The following PARD3B variants were observed in gnomAD, a reference collection of about 807,000 sequenced individuals.
PARD3B encodes the protein partitioning defective 3 homolog B.
A neutral mutation model predicts 130.2 loss-of-function variants in PARD3B; 103 were observed. The observed-to-expected ratio is 0.79, with a 90% CI of 0.67 to 0.93. The LOEUF is 0.93. PARD3B is among the 40% of genes least tolerant of loss of function. The probability of loss-of-function intolerance (pLI) is 0.00; values close to 1 mark genes in which losing one functional copy is unlikely to be tolerated. For synonymous variants in PARD3B, 583 were observed against 553.2 expected (o/e 1.05, Z -0.76); for missense variants, 1,609 against 1,499.2 (o/e 1.07, Z -1.21).
chr2:204,550,921 A>G lies in PARD3B; in HGVS notation c.120+4802A>G, dbSNP rs111852740. Among the ~76,000 whole-genome samples, 1,492 of 152,318 alleles carry G rather than the reference A, an allele frequency of 9.8e-3. 19 individuals carry two copies. The highest frequency in any genetic ancestry group is 0.035 in the African/African-American group (1,446 of 41,568). On this transcript the variant is annotated intron_variant, in intron 1 of 22. Transcript: ENST00000406610. ...TGCCTTGTTACCTAAATAGATTTTA[A>G]GGTTCTTGTATACATAAGCTAGGCC...
At chr2:204,852,730 C>T (rs1402427111) in intron 2 of PARD3B, among the ~76,000 whole-genome samples, 1 of 152,092 alleles carries the variant, frequency 6.6e-6, no homozygotes, top group Non-Finnish European at 1.5e-5. Context: ...AAAAGCTGTT[C>T]TAATTATTCC....
intron 4 of PARD3B, among the ~76,000 whole-genome samples, chr2:205,053,595 G>A (rs1337597483): frequency 2.0e-5 from 3 of 151,278 alleles, no homozygotes; most frequent in Admixed American, 6.6e-5. Flanking sequence ...AGCCAAGATC[G>A]TGTCACTGCC....
chr2:205,454,414 T>C (rs2048203015), intron 20 of PARD3B, among the ~76,000 whole-genome samples: 1 of 152,178 alleles, frequency 6.6e-6, no homozygotes, highest in South Asian at 2.1e-4. Context: ...TTTAATGGTA[T>C]ACTCATAATT....
chr2:204,759,069 T>C (rs1574910636), intron 2 of PARD3B, among the ~76,000 whole-genome samples: 1 of 152,186 alleles, frequency 6.6e-6, no homozygotes, highest in Non-Finnish European at 1.5e-5. Flanking sequence ...GCCTTCCTAA[T>C]ATCTAAGCTA....
rs1553630288 is a variant in PARD3B at position 205,168,320 on chromosome 2, A to AGT, written c.1621-3879_1621-3878dup. Among the ~76,000 whole-genome samples, 547 of 119,540 alleles carry AGT rather than the reference A, an allele frequency of 4.6e-3. 13 individuals are homozygous for AGT. Among genetic ancestry groups the AGT allele is most frequent in the South Asian group, 0.016 (59 of 3,648 alleles). 78.4% of individuals were successfully genotyped at this position (119,540 alleles called of 152,430 possible). ...GAGAGAGAGAGAGAGAGAGAGAGAG[A>AGT]GTGTGTGTGTGTGAATATTGCAAGC... is the stretch of plus-strand genomic sequence containing the variant. On this transcript the variant is annotated intron_variant, in intron 11 of 22. Transcript: ENST00000406610.
rs957805541 is a variant in PARD3B, at chr2:205,497,243, A to G, written c.3045-2653A>G. Among the ~76,000 whole-genome samples, 2 of 151,214 alleles carry G rather than the reference A, an allele frequency of 1.3e-5. 1 individual carries two copies. Among genetic ancestry groups the G allele is most frequent in the Non-Finnish European group, 2.9e-5 (2 of 67,872 alleles). On this transcript the variant is annotated intron_variant, in intron 20 of 22. Coordinates refer to ENST00000406610, the MANE Select transcript of PARD3B (RefSeq NM_001302769.2). Reference sequence around the variant, plus strand: ...AAGAAAGAAAGGTACGTGATTCCCAAGGGTTTGTCTTTTCTGAACCAAAGG... The same window carrying G: ...AAGAAAGAAAGGTACGTGATTCCCAGGGGTTTGTCTTTTCTGAACCAAAGG...
intron 21 of PARD3B, among the ~76,000 whole-genome samples, chr2:205,535,327 G>A (rs751507219): frequency 9.2e-5 from 14 of 152,138 alleles, no homozygotes; most frequent in Non-Finnish European, 2.1e-4. Flanking sequence ...CAGAGTGGTG[G>A]TACTCAGACT....
intron 2 of PARD3B, among the ~76,000 whole-genome samples, chr2:204,755,254 A>G (rs1052607668): frequency 2.0e-5 from 3 of 152,132 alleles, no homozygotes; most frequent in African/African-American, 7.2e-5. Context: ...GGCAGTGAAC[A>G]CTAGTGTTCA....
chr2:205,217,890 A>T lies in PARD3B; in HGVS notation c.2140+24570A>T, dbSNP rs1174365808. On this transcript the variant is annotated intron_variant, in intron 15 of 22. Coordinates refer to ENST00000406610, the MANE Select transcript of PARD3B (RefSeq NM_001302769.2). ...TGTGTATATATATATATATATATAT[A>T]TATATTTTTTTTTTTATTTTTTTGA... is the stretch of plus-strand genomic sequence containing the variant. Among the ~76,000 whole-genome samples, 160 of 42,062 alleles carry T rather than the reference A, an allele frequency of 3.8e-3. 8 individuals are homozygous for T. The highest frequency in any genetic ancestry group is 0.035 in the East Asian group (13 of 374). 27.6% of individuals were successfully genotyped at this position (42,062 alleles called of 152,430 possible).
At chr2:205,250,120 A>G (rs2039775949) in intron 16 of PARD3B, among the ~76,000 whole-genome samples, 2 of 151,944 alleles carry the variant, frequency 1.3e-5, no homozygotes, top group Admixed American at 1.3e-4. Context: ...TTAAGAAGGA[A>G]TTCTTTCTTA....
intron 2 of PARD3B, among the ~76,000 whole-genome samples, chr2:204,861,399 G>T (rs2045197962): frequency 6.6e-6 from 1 of 152,094 alleles, no homozygotes; most frequent in African/African-American, 2.4e-5. Flanking sequence ...GAAATTTAAA[G>T]TGGAAATGTA....
chr2:205,403,650 A>G (rs1404822813), intron 19 of PARD3B, among the ~76,000 whole-genome samples: 1 of 152,198 alleles, frequency 6.6e-6, no homozygotes, highest in Admixed American at 6.5e-5. Flanking sequence ...CCCATACCAG[A>G]CTTACAGAAT....
At chr2:205,267,180 C>T (rs1401783564) in intron 16 of PARD3B, among the ~76,000 whole-genome samples, 1 of 151,958 alleles carries the variant, frequency 6.6e-6, no homozygotes, top group Non-Finnish European at 1.5e-5. Flanking sequence ...TTTTACAGTC[C>T]CCATGCTATT....
intron 15 of PARD3B, among the ~76,000 whole-genome samples, chr2:205,237,642 C>T (rs934516692): frequency 6.6e-6 from 1 of 151,902 alleles, no homozygotes; most frequent in South Asian, 2.1e-4. Flanking sequence ...ACAGAGGGAA[C>T]TGGTATTTCA....
intron 20 of PARD3B, among the ~76,000 whole-genome samples, chr2:205,453,026 A>G (rs1445369017): frequency 6.6e-6 from 1 of 152,194 alleles, no homozygotes; most frequent in Non-Finnish European, 1.5e-5. Context: ...TCTGTTTACT[A>G]AGAAGAGGTT....
chr2:204,869,816 C>T (rs769376221), intron 2 of PARD3B, among the ~76,000 whole-genome samples: 19 of 152,076 alleles, frequency 1.2e-4, no homozygotes, highest in Non-Finnish European at 2.2e-4. Flanking sequence ...TTGCTCTCCT[C>T]AAGTGTTTTG....
At chr2:205,354,840 T>C (rs13021602) in intron 18 of PARD3B, among the ~76,000 whole-genome samples, 91,439 of 151,728 alleles carry the variant, frequency 0.6, 30,740 homozygotes, top group South Asian at 0.77. Context: ...GTAAACCTTA[T>C]GCAGGTTGTT....
chr2:204,928,658 G>A (rs1308602479), intron 2 of PARD3B, among the ~76,000 whole-genome samples: 2 of 152,088 alleles, frequency 1.3e-5, no homozygotes, highest in East Asian at 3.9e-4. Flanking sequence ...CCATAGTTGG[G>A]TGAAGATCTC....
intron 18 of PARD3B, among the ~76,000 whole-genome samples, chr2:205,318,299 G>A (rs888111511): frequency 9.9e-5 from 15 of 152,100 alleles, no homozygotes; most frequent in African/African-American, 3.4e-4. Context: ...TGAAAAAGAT[G>A]GACTATAAAA....
Sources: allele counts gnomAD v4.1 joint callset (sites outside exome capture counted in the v4.1 genomes callset), GRCh38; gene constraint gnomAD v4.1.1; transcripts MANE v1.5; gene names NCBI Gene and HGNC (gene_info 2026-07-23, HGNC 2026-07-21).